The following IGSF3 variants were observed in gnomAD, a reference collection of about 807,000 sequenced individuals.
IGSF3 encodes the protein glu-Trp-Ile EWI motif-containing protein 3.
A neutral mutation model predicts 114.4 loss-of-function variants in IGSF3; 23 were observed. The observed-to-expected ratio is 0.20, with a 90% confidence interval of 0.14 to 0.28. The LOEUF (loss-of-function observed/expected upper bound fraction) is 0.28, where lower values mean the gene tolerates loss of function less well. Among genes scored for constraint, IGSF3 ranks in the 10% least tolerant of loss-of-function variants. The pLI, the probability that IGSF3 is intolerant of heterozygous loss-of-function variation, is 1.00. For synonymous variants in IGSF3, 571 were observed against 645.2 expected, an observed-to-expected ratio of 0.88 and a Z score of 1.74; for missense variants, 1,172 against 1,591.5, an observed-to-expected ratio of 0.74 and a Z score of 4.48.
chr1:116,605,041 C>A lies in IGSF3; in HGVS notation c.1223-1016G>T, dbSNP rs1223710763. Among the ~76,000 whole-genome samples the A allele has an allele frequency of 6.6e-6, 1 of 152,096 alleles. No individual in the cohort carries two copies. Among genetic ancestry groups the A allele is most frequent in the African/African-American group, 2.4e-5 (1 of 41,394 alleles). ...TAACTCTTTGTTTTTATAAACATCA[C>A]AGATAGCCTAATATGTTTTAATTAT... On this transcript the variant is annotated intron_variant, in intron 5 of 10. Transcript: ENST00000369486. The surrounding 1 kb of genome is among the most constrained non-coding windows in gnomAD (Gnocchi z 5.1).
rs746661532 is a variant in IGSF3 at position 116,666,305 on chromosome 1, G to A, written c.22C>T (p.Leu8=). MKCFFPV[L]SCLAVLGVVS... is the part of the protein sequence containing the mutation. ...TTACCCAGCACAGCCAGACAGCTCA[G>A]CACCGGGAAAAAGCACTTCATGTCG... The change falls in exon 2 of 11, where the codon CTG becomes TTG. Residue 8 remains leucine, a synonymous_variant. Coordinates refer to ENST00000369486, the MANE Select transcript of IGSF3 (RefSeq NM_001007237.3). The A allele has an allele frequency of 1.2e-6, 2 of 1,614,152 alleles. No homozygotes were observed. The highest frequency in any genetic ancestry group is 1.7e-6 in the Non-Finnish European group (2 of 1,180,006).
chr1:116,589,941 A>G lies in IGSF3; in HGVS notation c.2030-837T>C, dbSNP rs976923501. Among the ~76,000 whole-genome samples, 2 of 152,186 alleles carry G rather than the reference A, an allele frequency of 1.3e-5. No homozygotes were observed. The highest frequency in any genetic ancestry group is 4.8e-5 in the African/African-American group (2 of 41,444). ...TCTTATCGCTGCACCCCCAGAGCCT[A>G]GCACAGCACCTGGGCCAGGAAAGCA... is the stretch of plus-strand genomic sequence containing the variant. On this transcript the variant is annotated intron_variant, in intron 7 of 10. Transcript: ENST00000369486. The surrounding 1 kb of genome is among the most constrained non-coding windows in gnomAD (Gnocchi z 5.7).
intron 2 of IGSF3, among the ~76,000 whole-genome samples, chr1:116,653,395 G>A (rs1206280211): frequency 1.3e-5 from 2 of 152,138 alleles, no homozygotes; most frequent in Non-Finnish European, 2.9e-5. Context: ...AAATACCACA[G>A]TCCTCAAGGC....
chr1:116,633,586 C>T lies in IGSF3; in HGVS notation c.44-17129G>A, dbSNP rs1472592455. On this transcript the variant is annotated intron_variant, in intron 2 of 10. Transcript: ENST00000369486. The surrounding 1 kb of genome is among the most constrained non-coding windows in gnomAD (Gnocchi z 4.3). Reference sequence around the variant, plus strand: ...ATGTAAGTGAGAGAACAAAAAATTTCACAATCATGGGGACCTCTTCTTTCA... The same window carrying T: ...ATGTAAGTGAGAGAACAAAAAATTTTACAATCATGGGGACCTCTTCTTTCA... 2.0e-5 allele frequency among the ~76,000 whole-genome samples: 3 copies of T among 152,146 alleles called. No homozygotes were observed. The highest frequency in any genetic ancestry group is 2.9e-5 in the Non-Finnish European group (2 of 68,014).
Position 116,666,695 on chromosome 1 carries a change from A to C in IGSF3, c.-369T>G, listed in dbSNP as rs1330783771. The stretch of plus-strand genomic sequence containing the variant: ...ATCCTTTCATCCACTGATTATACAG[A>C]AATGTCCTTGGCTTCTCAGTGAAGG... On this transcript the variant is annotated 5_prime_UTR_variant, in exon 2 of 11. Transcript: ENST00000369486. 1 of 529,748 alleles carries C rather than the reference A, an allele frequency of 1.9e-6. No homozygotes were observed. The highest frequency in any genetic ancestry group is 3.0e-5 in the East Asian group (1 of 33,308). The allele number at this position is 529,748 out of a possible 1,614,324, so 32.8% of individuals were successfully genotyped here.
chr1:116,607,455 G>A lies in IGSF3; in HGVS notation c.1222+487C>T, dbSNP rs957289631. Among the ~76,000 whole-genome samples the A allele has an allele frequency of 1.3e-5, 2 of 152,216 alleles. No homozygotes were observed. Among genetic ancestry groups the A allele is most frequent in the African/African-American group, 4.8e-5 (2 of 41,450 alleles). On this transcript the variant is annotated intron_variant, in intron 5 of 10. Transcript: ENST00000369486. The surrounding 1 kb of genome is among the most constrained non-coding windows in gnomAD (Gnocchi z 6.1). ...GGAAAAGCCATTTAGGGAAATGCCA[G>A]CCTTTATACCTGAAAAACCCAGATG...
chr1:116,617,438 G>C (rs1282492990), intron 2 of IGSF3: 1 of 860,048 alleles, frequency 1.2e-6, no homozygotes, highest in Non-Finnish European at 1.4e-6. Flanking sequence ...AAAAGCGCAG[G>C]TGAGTTACAG....
Position 116,636,980 on chromosome 1 carries a change from A to T in IGSF3, c.44-20523T>A, listed in dbSNP as rs1647857181. Among the ~76,000 whole-genome samples the T allele has an allele frequency of 6.6e-6, 1 of 152,216 alleles. No homozygotes were observed. The highest frequency in any genetic ancestry group is 2.4e-5 in the African/African-American group (1 of 41,460). On this transcript the variant is annotated intron_variant, in intron 2 of 10. Transcript: ENST00000369486. This position sits in a 1 kb window ranked among gnomAD's most constrained non-coding sequence, Gnocchi z 4.5. ...GCATTTTATCTAGAAATTATAAAAAATTGTTGGGGGAGTACATTTGTAAGG... is the reference window on the plus strand; with the variant it reads ...GCATTTTATCTAGAAATTATAAAAATTTGTTGGGGGAGTACATTTGTAAGG...
Position 116,582,854 on chromosome 1 carries a change from T to C in IGSF3, c.2848+1791A>G, listed in dbSNP as rs1304445479. Among the ~76,000 whole-genome samples the C allele has an allele frequency of 6.6e-6, 1 of 152,228 alleles. No individual in the cohort carries two copies. The highest frequency in any genetic ancestry group is 2.4e-5 in the African/African-American group (1 of 41,462). ...CCGTGAGATTATGGCTAACCTTTCT[T>C]TTCAAAATTATACTTTTCTGTTTTC... On this transcript the variant is annotated intron_variant, in intron 9 of 10. Coordinates refer to ENST00000369486, the MANE Select transcript of IGSF3 (RefSeq NM_001007237.3). This position sits in a 1 kb window ranked among gnomAD's most constrained non-coding sequence, Gnocchi z 4.7.
In IGSF3 at chr1:116,589,400, A is replaced by C. The variant is rs1471171584; in HGVS notation, c.2030-296T>G. 6.6e-6 allele frequency among the ~76,000 whole-genome samples: 1 copy of C among 152,042 alleles called. No individual in the cohort carries two copies. The highest frequency in any genetic ancestry group is 1.5e-5 in the Non-Finnish European group (1 of 68,026). The stretch of plus-strand genomic sequence containing the variant: ...CCTGCTGAAATACAAATCTAGCTAT[A>C]TCAGGTCTCTGCTTGAAAAGTTTAA... On this transcript the variant is annotated intron_variant, in intron 7 of 10. Coordinates refer to ENST00000369486, the MANE Select transcript of IGSF3 (RefSeq NM_001007237.3). This position sits in a 1 kb window ranked among gnomAD's most constrained non-coding sequence, Gnocchi z 5.7.
Position 116,647,881 on chromosome 1 carries a change from A to C in IGSF3, c.43+18403T>G, listed in dbSNP as rs886346833. Among the ~76,000 whole-genome samples the C allele has an allele frequency of 6.6e-6, 1 of 152,242 alleles. No individual in the cohort carries two copies. Among genetic ancestry groups the C allele is most frequent in the Non-Finnish European group, 1.5e-5 (1 of 68,046 alleles). On this transcript the variant is annotated intron_variant, in intron 2 of 10. Transcript: ENST00000369486. The surrounding 1 kb of genome is among the most constrained non-coding windows in gnomAD (Gnocchi z 4.6). ...CACTTTGGGAGGCCAAGGCGGGCGG[A>C]TCACCTGAGGTCAGGAGTTCAAGAC...
chr1:116,606,616 C>G (rs1008887548), intron 5 of IGSF3: 1 of 727,992 alleles, frequency 1.4e-6, no homozygotes, highest in African/African-American at 1.8e-5. Flanking sequence ...TGGGGGAAAT[C>G]TTAGTACAAA....
rs764016903 is a variant in IGSF3, at chr1:116,582,075, G to A, written c.2849-2198C>T. Among the ~76,000 whole-genome samples, 5 of 152,188 alleles carry A rather than the reference G, an allele frequency of 3.3e-5. No homozygotes were observed. In the South Asian group the frequency reaches 6.2e-4, roughly 19 times the overall value. On this transcript the variant is annotated intron_variant, in intron 9 of 10. Transcript: ENST00000369486. This position sits in a 1 kb window ranked among gnomAD's most constrained non-coding sequence, Gnocchi z 4.7. ...CCCTTTGCTTTCTTGTCTTCTAACC[G>A]CTTAACATTTTTCTTGGCCCCTTCA... is the stretch of plus-strand genomic sequence containing the variant.
Position 116,666,643 on chromosome 1 carries a change from G to A in IGSF3, c.-317C>T. ...CAGACTGTAGTGGATTAATCCTCCA[G>A]AAGCACGGAAAAAAGGGTCTGAGAA... On this transcript the variant is annotated 5_prime_UTR_variant, in exon 2 of 11. Transcript: ENST00000369486. 6 of 564,198 alleles carry A rather than the reference G, an allele frequency of 1.1e-5. No individual in the cohort carries two copies. The highest frequency in any genetic ancestry group is 7.5e-5 in the African/African-American group (4 of 53,182). The allele number at this position is 564,198 out of a possible 1,614,324, so 34.9% of individuals were successfully genotyped here.
At chr1:116,660,485 T>C (rs868736614) in intron 2 of IGSF3, among the ~76,000 whole-genome samples, 4,809 of 145,354 alleles carry the variant, frequency 0.033, 233 homozygotes, top group African/African-American at 0.11. Flanking sequence ...TTTTCTTTTT[T>C]TTTTTTTTTT....
In IGSF3 at chr1:116,657,694, C is replaced by A. The variant is rs1397735058; in HGVS notation, c.43+8590G>T. 2.0e-5 allele frequency among the ~76,000 whole-genome samples: 3 copies of A among 152,104 alleles called. No individual in the cohort carries two copies. The highest frequency in any genetic ancestry group is 2.0e-4 in the Admixed American group (3 of 15,266). ...GGGAAGCCTGCCTCATGCCATGGCA[C>A]CAGCGATGCCACAGGTGTACCCAGT... On this transcript the variant is annotated intron_variant, in intron 2 of 10. Coordinates refer to ENST00000369486, the MANE Select transcript of IGSF3 (RefSeq NM_001007237.3). The surrounding 1 kb of genome is among the most constrained non-coding windows in gnomAD (Gnocchi z 4.2).
At position 116,589,164 on chromosome 1, in the gene IGSF3, C is replaced by T. The variant is rs1659982707; in HGVS notation, c.2030-60G>A. On this transcript the variant is annotated intron_variant, in intron 7 of 10. Coordinates refer to ENST00000369486, the MANE Select transcript of IGSF3 (RefSeq NM_001007237.3). The surrounding 1 kb of genome is among the most constrained non-coding windows in gnomAD (Gnocchi z 5.7). ...GACTCCCAGAAACGTGGCCCATCCA[C>T]CTCCAGGCTCTGAGCCAGGTTTCCT... 5.3e-6 allele frequency: 8 copies of T among 1,503,204 alleles called. No individual in the cohort carries two copies. Among genetic ancestry groups the T allele is most frequent in the Non-Finnish European group, 7.3e-6 (8 of 1,099,822 alleles). 93.1% of individuals were successfully genotyped at this position (1,503,204 alleles called of 1,614,324 possible). A position where few individuals can be genotyped will look rare whatever the true frequency, so the allele number is the denominator to read the frequency against.
In IGSF3 at chr1:116,582,052, CT is replaced by C. The variant is rs1209502974; in HGVS notation, c.2849-2176del. 6.6e-6 allele frequency among the ~76,000 whole-genome samples: 1 copy of C among 152,206 alleles called. No individual in the cohort carries two copies. Among genetic ancestry groups the C allele is most frequent in the Non-Finnish European group, 1.5e-5 (1 of 68,036 alleles). ...AACACCTCCTCCCTCTTCAATCTCC[CT>C]TTGCTTTCTTGTCTTCTAACCGCTT... On this transcript the variant is annotated intron_variant, in intron 9 of 10. Coordinates refer to ENST00000369486, the MANE Select transcript of IGSF3 (RefSeq NM_001007237.3). The surrounding 1 kb of genome is among the most constrained non-coding windows in gnomAD (Gnocchi z 4.7).
rs1648497863 is a variant in IGSF3 at position 116,648,500 on chromosome 1, A to T, written c.43+17784T>A. On this transcript the variant is annotated intron_variant, in intron 2 of 10. Transcript: ENST00000369486. This position sits in a 1 kb window ranked among gnomAD's most constrained non-coding sequence, Gnocchi z 4.7. Reference sequence around the variant, plus strand: ...TGCACTTTTACCTGCTGCCTGACGAAAACCAGATGCCAAAGCCAAAGGCCT... The same window carrying T: ...TGCACTTTTACCTGCTGCCTGACGATAACCAGATGCCAAAGCCAAAGGCCT... 6.6e-6 allele frequency among the ~76,000 whole-genome samples: 1 copy of T among 152,172 alleles called. No individual in the cohort carries two copies. The highest frequency in any genetic ancestry group is 2.1e-4 in the South Asian group (1 of 4,834).
Sources: gnomAD v4.1 joint callset for allele counts (sites outside exome capture counted in the v4.1 genomes callset) on GRCh38, gnomAD v4.1.1 for gene constraint, Gnocchi (gnomAD v3.1) non-coding constraint, MANE v1.5 for transcripts, NCBI Gene and HGNC (gene_info 2026-07-23, HGNC 2026-07-21) for gene names.